CREBBP: variants seen among roughly 807,000 people sequenced by gnomAD.
CREBBP encodes the protein CREB-binding protein.
CREBBP carries 19 observed loss-of-function variants against 265.0 expected under a neutral mutation model. That is an observed-to-expected ratio of 0.07 (90% confidence interval 0.05 to 0.11). The LOEUF (loss-of-function observed/expected upper bound fraction) is 0.11, where lower values mean the gene tolerates loss of function less well. Among genes scored for constraint, CREBBP ranks in the 10% least tolerant of loss-of-function variants. CREBBP has a pLI of 1.00. For missense variants in CREBBP, 2,525 were observed against 3,219.0 expected (o/e 0.78, Z 5.22); for synonymous variants, 1,457 against 1,223.7 (o/e 1.19, Z -3.98).
intron 8 of CREBBP, among the ~76,000 whole-genome samples, chr16:3,780,241 CAAAAA>C (rs559038927): frequency 3.7e-5 from 2 of 53,696 alleles, no homozygotes; most frequent in Non-Finnish European, 4.2e-5. Flanking sequence ...GACTCTGTCT[CAAAAA>C]AAAAAAAAAA....
At chr16:3,772,379 AAG>A (rs2053034708) in intron 13 of CREBBP, among the ~76,000 whole-genome samples, 1 of 151,048 alleles carries the variant, frequency 6.6e-6, no homozygotes, top group Admixed American at 6.6e-5. Context: ...TAGTTACTGA[AAG>A]AGAACTGTTT....
intron 3 of CREBBP, among the ~76,000 whole-genome samples, chr16:3,795,745 C>T (rs779525902): frequency 7.6e-4 from 115 of 152,080 alleles, no homozygotes; most frequent in Non-Finnish European, 7.8e-4. Context: ...GAAGGTCCAT[C>T]GAGAAATCAA....
At chr16:3,845,880 C>A in intron 2 of CREBBP, among the ~76,000 whole-genome samples, 1 of 94,192 alleles carries the variant, frequency 1.1e-5, no homozygotes. Flanking sequence ...AACTGAGACC[C>A]TATCTCAAAA....
intron 19 of CREBBP, among the ~76,000 whole-genome samples, 168 bp downstream of exon 19, chr16:3,757,120 C>T (rs987256911): frequency 3.3e-5 from 5 of 152,144 alleles, no homozygotes; most frequent in Non-Finnish European, 5.9e-5. Flanking sequence ...GTGATTCTCC[C>T]ACCTCAGCCT....
chr16:3,878,333 T>C (rs1335900353), intron 1 of CREBBP, among the ~76,000 whole-genome samples: 2 of 152,246 alleles, frequency 1.3e-5, no homozygotes, highest in African/African-American at 4.8e-5. Flanking sequence ...AATAAGTTCA[T>C]TTTATAAGAT....
chr16:3,752,716 A>T (rs1425851279), intron 19 of CREBBP, among the ~76,000 whole-genome samples: 1 of 152,212 alleles, frequency 6.6e-6, no homozygotes, highest in East Asian at 1.9e-4. Flanking sequence ...TCATTCATCA[A>T]TCTGAAAGAC....
intron 2 of CREBBP, among the ~76,000 whole-genome samples, chr16:3,827,998 A>C (rs1306975167): frequency 2.6e-5 from 4 of 152,116 alleles, no homozygotes; most frequent in Non-Finnish European, 2.9e-5. Context: ...GGCCAAGATC[A>C]CTTTAAAAAA....
At chr16:3,799,161 T>TG (rs1254169629) in intron 3 of CREBBP, among the ~76,000 whole-genome samples, 1 of 151,980 alleles carries the variant, frequency 6.6e-6, no homozygotes, top group Non-Finnish European at 1.5e-5. Context: ...TGGCTGGAGA[T>TG]GGGGGTTCAG....
rs1330924403 is a variant in CREBBP at position 3,880,301 on chromosome 16, T to TGCCGCCGCC, written c.-394_-386dup. On this transcript the variant is annotated 5_prime_UTR_variant, in exon 1 of 31. Coordinates refer to ENST00000262367, the MANE Select transcript of CREBBP (RefSeq NM_004380.3). ...GCTCAGGCAGTCCCCGAGAACATGG[T>TGCCGCCGCC]GCCGCCGCCGCCGCCGCCTCGCTCC... 7 of 133,034 alleles carry TGCCGCCGCC rather than the reference T, an allele frequency of 5.3e-5. No individual in the cohort carries two copies. The highest frequency in any genetic ancestry group is 1.7e-4 in the African/African-American group (6 of 36,002). 8.2% of individuals were successfully genotyped at this position (133,034 alleles called of 1,614,324 possible).
Position 3,727,897 on chromosome 16 carries a change from G to T in CREBBP, c.7150C>A (p.His2384Asn). The T allele has an allele frequency of 1.2e-6, 2 of 1,612,970 alleles. No homozygotes were observed. The highest frequency in any genetic ancestry group is 2.2e-5 in the East Asian group (1 of 44,860). Residue 2384 changes from histidine to asparagine, a missense_variant, in exon 31 of 31, where the codon CAC becomes AAC. By Grantham distance (68) the His-to-Asn change is moderately conservative. Coordinates refer to ENST00000262367, the MANE Select transcript of CREBBP (RefSeq NM_004380.3). ...HHVSPQTGSPHPGLAVTMASS... is the reference protein window; with the variant it reads ...HHVSPQTGSPNPGLAVTMASS... The stretch of plus-strand genomic sequence containing the variant: ...GCCATGGTGACTGCGAGTCCGGGGT[G>T]GGGGGAACCAGTCTGGGGTGAGACG...
Position 3,749,820 on chromosome 16 carries a change from C to T in CREBBP, c.3780-137G>A, listed in dbSNP as rs2052432790. ...TGATGGCCCCTTAAAATCTCAAGTA[C>T]ATGTAATAACGGAATGAACAGAAAA... On this transcript the variant is annotated intron_variant, in intron 20 of 30. Coordinates refer to ENST00000262367, the MANE Select transcript of CREBBP (RefSeq NM_004380.3). 1.6e-5 allele frequency: 10 copies of T among 623,600 alleles called. No individual in the cohort carries two copies. In the East Asian group the frequency reaches 2.5e-4, roughly 16 times the overall value. The allele number at this position is 623,600 out of a possible 1,614,324, so 38.6% of individuals were successfully genotyped here. A position where few individuals can be genotyped will look rare whatever the true frequency, so the allele number is the denominator to read the frequency against.
chr16:3,729,134 GTGC>G lies in CREBBP; in HGVS notation c.5910_5912del (p.Gln1970del), dbSNP rs765721268. On this transcript the variant is annotated inframe_deletion, in exon 31 of 31. Coordinates refer to ENST00000262367, the MANE Select transcript of CREBBP (RefSeq NM_004380.3). ...TGTTGTTGATGTTCACCCGGTACAGGTGCTGCTGCTGCTGGGCCTCACGCTCGA... is the reference window on the plus strand; with the variant it reads ...TGTTGTTGATGTTCACCCGGTACAGGTGCTGCTGCTGGGCCTCACGCTCGA... The G allele has an allele frequency of 1.7e-5, 26 of 1,570,594 alleles. No homozygotes were observed. Among genetic ancestry groups the G allele is most frequent in the Admixed American group, 9.0e-5 (5 of 55,750 alleles).
At position 3,757,941 on chromosome 16, in the gene CREBBP, G is replaced by T. The variant is rs1352497990; in HGVS notation, c.3477C>A (p.Leu1159=). 1 of 1,613,954 alleles carries T rather than the reference G, an allele frequency of 6.2e-7. No individual in the cohort carries two copies. Among genetic ancestry groups the T allele is most frequent in the African/African-American group, 1.3e-5 (1 of 74,968 alleles). The change falls in exon 18 of 31, where the codon CTC becomes CTA. Residue 1159 remains leucine (L), a synonymous_variant. Transcript: ENST00000262367. ...EPWQYVDDVW[L]MFNNAWLYNR... ...TATAGAGCCAGGCATTGTTGAACAT[G>T]AGCCAGACGTCGTCCACGTACTGCC...
intron 19 of CREBBP, 173 bp from the exon 20 acceptor site, chr16:3,751,979 G>C (rs2052484957): frequency 5.8e-6 from 4 of 688,280 alleles, no homozygotes; most frequent in Admixed American, 4.1e-5. Flanking sequence ...GGTGGGGAAA[G>C]GCAGGATTAG....
In CREBBP at chr16:3,850,694, G is replaced by A. The variant is rs950454435; in HGVS notation, c.401C>T (p.Pro134Leu). Residue 134 changes from proline (P) to leucine (L), a missense_variant, in exon 2 of 31, where the codon CCT becomes CTT. This residue lies in a region of CREBBP where 356 missense variants were observed against 340.4 expected (regional missense o/e 1.05). Coordinates refer to ENST00000262367, the MANE Select transcript of CREBBP (RefSeq NM_004380.3). ...SQGDSSAPSL[P>L]KQAASTSGPT... ...CCCAGAGGTGCTGGCTGCCTGTTTAGGCAGGCTGGGGGCTGAAGAATCTCC... is the reference window on the plus strand; with the variant it reads ...CCCAGAGGTGCTGGCTGCCTGTTTAAGCAGGCTGGGGGCTGAAGAATCTCC... 3 of 1,614,158 alleles carry A rather than the reference G, an allele frequency of 1.9e-6. No individual in the cohort carries two copies. The highest frequency in any genetic ancestry group is 2.5e-6 in the Non-Finnish European group (3 of 1,180,054).
At chr16:3,855,078 G>A (rs1597063304) in intron 1 of CREBBP, among the ~76,000 whole-genome samples, 1 of 152,206 alleles carries the variant, frequency 6.6e-6, no homozygotes, top group South Asian at 2.1e-4. Context: ...AATTTTGCTG[G>A]TTGTCCCAAT....
At chr16:3,794,753 C>A (rs538675849) in intron 3 of CREBBP, among the ~76,000 whole-genome samples, 37 of 152,306 alleles carry the variant, frequency 2.4e-4, no homozygotes, top group African/African-American at 8.9e-4. Context: ...TTCTTCTTTA[C>A]AAACTATAAG....
In CREBBP at chr16:3,810,815, C is replaced by T. The variant is rs111402709; in HGVS notation, c.799-36G>A. 833 of 1,606,962 alleles carry T rather than the reference C, an allele frequency of 5.2e-4. 4 individuals carry two copies. Among genetic ancestry groups the T allele is most frequent in the African/African-American group, 4.1e-3 (308 of 74,792 alleles). On this transcript the variant is annotated intron_variant, in intron 2 of 30. Transcript: ENST00000262367. ...AAAGAGGTAACATCAGCTGTGGTGA[C>T]GCAGTCAATATAAAAGGAAGGGCCT...
intron 2 of CREBBP, among the ~76,000 whole-genome samples, chr16:3,823,278 G>A (rs2054175090): frequency 6.6e-6 from 1 of 152,274 alleles, no homozygotes; most frequent in Admixed American, 6.5e-5. Context: ...ATGGCAAGAC[G>A]ACCCTGTTAG....
Sources: allele counts gnomAD v4.1 joint callset (sites outside exome capture counted in the v4.1 genomes callset), GRCh38; gene constraint gnomAD v4.1.1; regional missense constraint gnomAD v4.1.1; transcripts MANE v1.5; gene names NCBI Gene and HGNC (gene_info 2026-07-23, HGNC 2026-07-21).